DUSP6: variants seen among roughly 807,000 people sequenced by gnomAD.
The protein encoded by DUSP6 is dual specificity protein phosphatase 6.
In DUSP6, 6 loss-of-function variants were observed where a neutral mutation model predicts 28.0. That is an observed-to-expected ratio of 0.21 (90% CI 0.12 to 0.42). The LOEUF (loss-of-function observed/expected upper bound fraction) is 0.42, where lower values mean the gene tolerates loss of function less well. Among genes scored for constraint, DUSP6 ranks in the 10% least tolerant of loss-of-function variants. The probability of loss-of-function intolerance (pLI) is 1.00; values close to 1 mark genes in which losing one functional copy is unlikely to be tolerated. For missense variants in DUSP6, 451 were observed against 498.1 expected (o/e 0.91, Z 0.90); for synonymous variants, 252 against 217.5 (o/e 1.16, Z -1.40).
rs1879027097 is a variant in DUSP6 at position 89,347,689 on chromosome 12, G to A, written c.*1565C>T. On this transcript the variant is annotated 3_prime_UTR_variant, in exon 3 of 3. Transcript: ENST00000279488. ...CAGAAGATCCTGACAGTGAAGGATA[G>A]GGAGGAGGTTAACATGTGGCTGTCA... 6.6e-6 allele frequency: 1 copy of A among 152,236 alleles called. No homozygotes were observed. Among genetic ancestry groups the A allele is most frequent in the African/African-American group, 2.4e-5 (1 of 41,460 alleles). 9.4% of individuals were successfully genotyped at this position (152,236 alleles called of 1,614,324 possible).
At position 89,348,095 on chromosome 12, in the gene DUSP6, A is replaced by T. The variant is rs1371513874; in HGVS notation, c.*1159T>A. On this transcript the variant is annotated 3_prime_UTR_variant, in exon 3 of 3. Coordinates refer to ENST00000279488, the MANE Select transcript of DUSP6 (RefSeq NM_001946.4). ...AAAATAGTTATTTATTAATAATTTA[A>T]GGTTTTACATTCTTATAATAAATTC... 1 of 152,682 alleles carries T rather than the reference A, an allele frequency of 6.5e-6. No individual in the cohort carries two copies. The highest frequency in any genetic ancestry group is 6.5e-5 in the Admixed American group (1 of 15,284). The allele number at this position is 152,682 out of a possible 1,614,324, so 9.5% of individuals were successfully genotyped here.
chr12:89,349,663 G>T, intron 2 of DUSP6, 102 bp from the exon 3 acceptor site: 2 of 864,590 alleles, frequency 2.3e-6, no homozygotes, highest in Non-Finnish European at 3.5e-6. Context: ...AATAATAATA[G>T]TTGTGTGTGG....
chr12:89,352,409 G>A lies in DUSP6; in HGVS notation c.-370C>T. 1 of 228,436 alleles carries A rather than the reference G, an allele frequency of 4.4e-6. No homozygotes were observed. Among genetic ancestry groups the A allele is most frequent in the Non-Finnish European group, 8.8e-6 (1 of 114,272 alleles). 14.2% of individuals were successfully genotyped at this position (228,436 alleles called of 1,614,324 possible). Reference sequence around the variant, plus strand: ...CAAGGCTGCACCTCAAATCTACCCGGGCGTCTTTCTCCCCGGATTATTTAA... The same window carrying A: ...CAAGGCTGCACCTCAAATCTACCCGAGCGTCTTTCTCCCCGGATTATTTAA... On this transcript the variant is annotated 5_prime_UTR_variant, in exon 1 of 3. Transcript: ENST00000279488.
At position 89,352,132 on chromosome 12, in the gene DUSP6, C is replaced by G. The variant is rs985661437; in HGVS notation, c.-93G>C. ...GCACCGCGCGCGAAGCTGCCGCTCT[C>G]GGAGCGGGGTTTAATTCCGCCTCGC... On this transcript the variant is annotated 5_prime_UTR_variant, in exon 1 of 3. Coordinates refer to ENST00000279488, the MANE Select transcript of DUSP6 (RefSeq NM_001946.4). 7.9e-6 allele frequency: 12 copies of G among 1,519,406 alleles called. No individual in the cohort carries two copies. In the Admixed American group the frequency reaches 2.1e-4, roughly 26 times the overall value. The allele number at this position is 1,519,406 out of a possible 1,614,324, so 94.1% of individuals were successfully genotyped here. A position where few individuals can be genotyped will look rare whatever the true frequency, so the allele number is the denominator to read the frequency against.
rs139104165 is a variant in DUSP6 at position 89,349,083 on chromosome 12, ATCTC to A, written c.*167_*170del. 1.5e-3 allele frequency: 1,001 copies of A among 666,618 alleles called. 10 individuals carry two copies. In the East Asian group the frequency reaches 0.024, roughly 16 times the overall value. The allele number at this position is 666,618 out of a possible 1,614,324, so 41.3% of individuals were successfully genotyped here. On this transcript the variant is annotated 3_prime_UTR_variant, in exon 3 of 3. Coordinates refer to ENST00000279488, the MANE Select transcript of DUSP6 (RefSeq NM_001946.4). ...TGTTATTCCAAAGAGAATGGAGCAA[ATCTC>A]TCTGTTAGTATTAACCAATTCCGCA...
Position 89,352,170 on chromosome 12 carries a change from G to C in DUSP6, c.-131C>G. The C allele has an allele frequency of 2.9e-6, 4 of 1,394,992 alleles. No homozygotes were observed. Among genetic ancestry groups the C allele is most frequent in the East Asian group, 2.3e-5 (1 of 43,192 alleles). The allele number at this position is 1,394,992 out of a possible 1,614,324, so 86.4% of individuals were successfully genotyped here. A position where few individuals can be genotyped will look rare whatever the true frequency, so the allele number is the denominator to read the frequency against. ...AATTCCGCCTCGCCTTACCCAAGCC[G>C]AGGCTAGCGGTTGGGGCAGACGAGA... On this transcript the variant is annotated 5_prime_UTR_variant, in exon 1 of 3. Transcript: ENST00000279488.
chr12:89,349,187 G>A lies in DUSP6; in HGVS notation c.*67C>T. Reference sequence around the variant, plus strand: ...GGCCACACACAAAGAAAGCAGCCCAGCTGATGCTGCCAAGAGAAACTGCTG... The same window carrying A: ...GGCCACACACAAAGAAAGCAGCCCAACTGATGCTGCCAAGAGAAACTGCTG... On this transcript the variant is annotated 3_prime_UTR_variant, in exon 3 of 3. Transcript: ENST00000279488. The A allele has an allele frequency of 1.3e-6, 2 of 1,516,588 alleles. No homozygotes were observed. Among genetic ancestry groups the A allele is most frequent in the Non-Finnish European group, 1.8e-6 (2 of 1,122,660 alleles). 93.9% of individuals were successfully genotyped at this position (1,516,588 alleles called of 1,614,324 possible). A position where few individuals can be genotyped will look rare whatever the true frequency, so the allele number is the denominator to read the frequency against.
intron 1 of DUSP6, 78 bp downstream of exon 1, chr12:89,351,562 T>G: frequency 6.8e-7 from 1 of 1,468,426 alleles, no homozygotes; most frequent in South Asian, 1.4e-5. Context: ...GGAGCAGAGG[T>G]ATTTTCAATC....
At chr12:89,349,663 G>A in intron 2 of DUSP6, 102 bp from the exon 3 acceptor site, 4 of 864,588 alleles carry the variant, frequency 4.6e-6, no homozygotes, top group Non-Finnish European at 7.1e-6. Context: ...AATAATAATA[G>A]TTGTGTGTGG....
intron 2 of DUSP6, among the ~76,000 whole-genome samples, chr12:89,350,144 C>A (rs704076): frequency 0.24 from 36,904 of 152,162 alleles, 5,186 homozygotes; most frequent in African/African-American, 0.39. Context: ...CCAGTATCAC[C>A]GCATCATTCA....
Position 89,349,497 on chromosome 12 carries a change from G to A in DUSP6, c.903C>T (p.Val301=). Residue 301 remains valine, a synonymous_variant, in exon 3 of 3, where the codon GTC becomes GTT. Transcript: ENST00000279488. ...GCATAAGGTAAGCCACAGTCACAGT[G>A]ACTGAGCGGCTAATGCCAGCCAAGC... The part of the protein sequence containing the change: ...VHCLAGISRS[V]TVTVAYLMQK... 6.2e-7 allele frequency: 1 copy of A among 1,614,130 alleles called. No individual in the cohort carries two copies. Among genetic ancestry groups the A allele is most frequent in the Non-Finnish European group, 8.5e-7 (1 of 1,179,980 alleles).
In DUSP6 at chr12:89,347,280, A is replaced by G. The variant is rs1333356709; in HGVS notation, c.*1974T>C. 1 of 152,162 alleles carries G rather than the reference A, an allele frequency of 6.6e-6. No individual in the cohort carries two copies. The highest frequency in any genetic ancestry group is 1.5e-5 in the Non-Finnish European group (1 of 68,036). The allele number at this position is 152,162 out of a possible 1,614,324, so 9.4% of individuals were successfully genotyped here. On this transcript the variant is annotated 3_prime_UTR_variant, in exon 3 of 3. Coordinates refer to ENST00000279488, the MANE Select transcript of DUSP6 (RefSeq NM_001946.4). ...CTTTTATTTTGGTTTGTGTATTTTT[A>G]CATTTGAGGTAAGGAGAGGGTAGGT...
intron 1 of DUSP6, 104 bp downstream of exon 1, chr12:89,351,536 G>T: frequency 7.0e-7 from 1 of 1,431,690 alleles, no homozygotes; most frequent in Non-Finnish European, 9.2e-7. Flanking sequence ...GCGCGGCTCC[G>T]AAGCTCCAGC....
chr12:89,348,530 G>A lies in DUSP6; in HGVS notation c.*724C>T, dbSNP rs77021638. The stretch of plus-strand genomic sequence containing the variant: ...AAGACTTCGCCATAACAAGGTCTTA[G>A]TGATAATAGTGTCCGTAAAGATGTC... On this transcript the variant is annotated 3_prime_UTR_variant, in exon 3 of 3. Coordinates refer to ENST00000279488, the MANE Select transcript of DUSP6 (RefSeq NM_001946.4). 0.024 allele frequency: 3,719 copies of A among 152,506 alleles called. 60 individuals are homozygous for A. The highest frequency in any genetic ancestry group is 0.036 in the Non-Finnish European group (2,440 of 68,014). The allele number at this position is 152,506 out of a possible 1,614,324, so 9.4% of individuals were successfully genotyped here.
At position 89,349,204 on chromosome 12, in the gene DUSP6, A is replaced by G. The variant is rs1473450589; in HGVS notation, c.*50T>C. 6.5e-7 allele frequency: 1 copy of G among 1,550,010 alleles called. No individual in the cohort carries two copies. Among genetic ancestry groups the G allele is most frequent in the Admixed American group, 1.9e-5 (1 of 53,938 alleles). On this transcript the variant is annotated 3_prime_UTR_variant, in exon 3 of 3. Transcript: ENST00000279488. ...GCAGCCCAGCTGATGCTGCCAAGAGAAACTGCTGAAGGGCCAGACACATTC... is the reference window on the plus strand; with the variant it reads ...GCAGCCCAGCTGATGCTGCCAAGAGGAACTGCTGAAGGGCCAGACACATTC...
Position 89,352,186 on chromosome 12 carries a change from G to A in DUSP6, c.-147C>T. The A allele has an allele frequency of 1.6e-6, 2 of 1,262,766 alleles. No homozygotes were observed. Among genetic ancestry groups the A allele is most frequent in the Non-Finnish European group, 2.2e-6 (2 of 923,384 alleles). The allele number at this position is 1,262,766 out of a possible 1,614,324, so 78.2% of individuals were successfully genotyped here. A position where few individuals can be genotyped will look rare whatever the true frequency, so the allele number is the denominator to read the frequency against. On this transcript the variant is annotated 5_prime_UTR_variant, in exon 1 of 3. Transcript: ENST00000279488. ...ACCCAAGCCGAGGCTAGCGGTTGGG[G>A]CAGACGAGACAGAAGTAAAGCCGGA... is the stretch of plus-strand genomic sequence containing the variant.
chr12:89,349,991 G>A (rs923334182), intron 2 of DUSP6, among the ~76,000 whole-genome samples: 11 of 152,196 alleles, frequency 7.2e-5, no homozygotes, highest in African/African-American at 2.7e-4. Context: ...CGGCCCATTA[G>A]GAGGAACAGG....
chr12:89,352,419 T>A lies in DUSP6; in HGVS notation c.-380A>T. On this transcript the variant is annotated 5_prime_UTR_variant, in exon 1 of 3. Coordinates refer to ENST00000279488, the MANE Select transcript of DUSP6 (RefSeq NM_001946.4). Reference sequence around the variant, plus strand: ...CCTCAAATCTACCCGGGCGTCTTTCTCCCCGGATTATTTAAGACTCGATTT... The same window carrying A: ...CCTCAAATCTACCCGGGCGTCTTTCACCCCGGATTATTTAAGACTCGATTT... 1 of 219,240 alleles carries A rather than the reference T, an allele frequency of 4.6e-6. No homozygotes were observed. Among genetic ancestry groups the A allele is most frequent in the Non-Finnish European group, 9.3e-6 (1 of 107,882 alleles). The allele number at this position is 219,240 out of a possible 1,614,324, so 13.6% of individuals were successfully genotyped here. A position where few individuals can be genotyped will look rare whatever the true frequency, so the allele number is the denominator to read the frequency against.
chr12:89,349,161 G>A lies in DUSP6; in HGVS notation c.*93C>T. 7.2e-7 allele frequency: 1 copy of A among 1,382,860 alleles called. No individual in the cohort carries two copies. Among genetic ancestry groups the A allele is most frequent in the East Asian group, 2.3e-5 (1 of 43,472 alleles). 85.7% of individuals were successfully genotyped at this position (1,382,860 alleles called of 1,614,324 possible). ...ACAGCTGGTGTCATTTTGACACCTGGGGCCACACACAAAGAAAGCAGCCCA... is the reference window on the plus strand; with the variant it reads ...ACAGCTGGTGTCATTTTGACACCTGAGGCCACACACAAAGAAAGCAGCCCA... On this transcript the variant is annotated 3_prime_UTR_variant, in exon 3 of 3. Coordinates refer to ENST00000279488, the MANE Select transcript of DUSP6 (RefSeq NM_001946.4).
Sources: gnomAD v4.1 joint callset for allele counts (sites outside exome capture counted in the v4.1 genomes callset) on GRCh38, gnomAD v4.1.1 for gene constraint, MANE v1.5 for transcripts, NCBI Gene and HGNC (gene_info 2026-07-23, HGNC 2026-07-21) for gene names.